TPTE2: variants seen among roughly 807,000 people sequenced by gnomAD.
The protein encoded by TPTE2 is transmembrane phosphoinositide 3-phosphatase and tensin homolog 2.
A neutral mutation model predicts 78.6 loss-of-function variants in TPTE2; 53 were observed. That is an observed-to-expected ratio of 0.67 (90% confidence interval 0.54 to 0.85). The LOEUF is 0.85. Ranked by LOEUF, TPTE2 falls within the 40% of genes least tolerant of loss-of-function variation. The pLI is 0.00. For missense variants in TPTE2, 461 were observed against 623.0 expected, an observed-to-expected ratio of 0.74 and a Z score of 2.77; for synonymous variants, 175 against 206.2, an observed-to-expected ratio of 0.85 and a Z score of 1.30.
chr13:19,443,947 T>C (rs1305556904), intron 13 of TPTE2, among the ~76,000 whole-genome samples: 2 of 152,144 alleles, frequency 1.3e-5, no homozygotes, highest in African/African-American at 4.8e-5. Flanking sequence ...TATTTTCATA[T>C]GATGTAATCA....
intron 1 of TPTE2, among the ~76,000 whole-genome samples, chr13:19,499,316 A>T (rs1279740757): frequency 1.1e-4 from 16 of 152,074 alleles, no homozygotes; most frequent in African/African-American, 3.9e-4. Context: ...ACATCTACAG[A>T]ACTCTCCACC....
intron 4 of TPTE2, among the ~76,000 whole-genome samples, chr13:19,477,212 T>G (rs1880013453): frequency 6.6e-6 from 1 of 151,236 alleles, no homozygotes; most frequent in Non-Finnish European, 1.5e-5. Context: ...TCTACTTAAG[T>G]GGGGAGGGTA....
intron 4 of TPTE2, among the ~76,000 whole-genome samples, chr13:19,478,614 G>A (rs1880122260): frequency 6.6e-6 from 1 of 152,162 alleles, no homozygotes; most frequent in Non-Finnish European, 1.5e-5. Context: ...ATTCCTCAAG[G>A]ATCTAAAACT....
intron 13 of TPTE2, among the ~76,000 whole-genome samples, chr13:19,440,431 A>T (rs1188054791): frequency 7.5e-6 from 1 of 133,850 alleles, no homozygotes; most frequent in East Asian, 2.1e-4. Flanking sequence ...TTCTTGATAA[A>T]AAAAAAACAC....
chr13:19,560,965 G>A, the TPTE2 span: 1 of 1,593,062 alleles, frequency 6.3e-7, no homozygotes, highest in Non-Finnish European at 8.6e-7. Flanking sequence ...AGGCTTTGCA[G>A]TCCTCACAGG....
At chr13:19,445,749 C>T (rs1566043186) in intron 13 of TPTE2, among the ~76,000 whole-genome samples, 1 of 152,174 alleles carries the variant, frequency 6.6e-6, no homozygotes, top group African/African-American at 2.4e-5. Flanking sequence ...TGAGACCAGC[C>T]TGGACAACAT....
chr13:19,479,503 A>G (rs1880194220), intron 4 of TPTE2, among the ~76,000 whole-genome samples: 2 of 152,162 alleles, frequency 1.3e-5, no homozygotes, highest in South Asian at 2.1e-4. Flanking sequence ...AGAAAATATC[A>G]AAGTATTTTT....
chr13:19,433,438 G>T (rs761862676), intron 15 of TPTE2, among the ~76,000 whole-genome samples: 2 of 152,178 alleles, frequency 1.3e-5, no homozygotes, highest in South Asian at 2.1e-4. Flanking sequence ...AAGAGGTCGA[G>T]GTTGCAGTGA....
chr13:19,460,111 C>T (rs943479327), intron 10 of TPTE2, among the ~76,000 whole-genome samples: 6 of 152,246 alleles, frequency 3.9e-5, no homozygotes, highest in Admixed American at 1.3e-4. Context: ...GTGTGTAAAA[C>T]TCCTGGGTTT....
chr13:19,478,459 A>G (rs1407861334), intron 4 of TPTE2, among the ~76,000 whole-genome samples: 1 of 152,222 alleles, frequency 6.6e-6, no homozygotes, highest in Non-Finnish European at 1.5e-5. Flanking sequence ...AACCACAATG[A>G]CATACCATCT....
intron 6 of TPTE2, among the ~76,000 whole-genome samples, chr13:19,468,598 C>T (rs1879432084): frequency 6.6e-6 from 1 of 152,094 alleles, no homozygotes; most frequent in Non-Finnish European, 1.5e-5. Context: ...GCAAACTGTT[C>T]TCCAATTGAT....
chr13:19,515,797 G>C (rs1349123894), intron 1 of TPTE2, among the ~76,000 whole-genome samples: 1 of 152,162 alleles, frequency 6.6e-6, no homozygotes, highest in Non-Finnish European at 1.5e-5. Flanking sequence ...CTTATTAAAT[G>C]ATTACTAGAT....
intron 3 of TPTE2, among the ~76,000 whole-genome samples, chr13:19,485,984 G>C (rs1880641456): frequency 6.6e-6 from 1 of 151,898 alleles, no homozygotes; most frequent in Non-Finnish European, 1.5e-5. Flanking sequence ...GTTTCCTTAA[G>C]ATTATTCTTT....
At chr13:19,492,598 A>G (rs530211358) in intron 3 of TPTE2, among the ~76,000 whole-genome samples, 3 of 152,302 alleles carry the variant, frequency 2.0e-5, no homozygotes, top group Non-Finnish European at 2.9e-5. Context: ...CAAATGCTAC[A>G]ATGAGAAGAA....
intron 13 of TPTE2, among the ~76,000 whole-genome samples, chr13:19,439,567 G>C (rs1457810570): frequency 6.6e-6 from 1 of 152,190 alleles, no homozygotes; most frequent in Non-Finnish European, 1.5e-5. Context: ...TCTGAATGTA[G>C]TGACACTACC....
the TPTE2 span, among the ~76,000 whole-genome samples, chr13:19,548,395 C>T: frequency 6.7e-6 from 1 of 148,214 alleles, no homozygotes; most frequent in Non-Finnish European, 1.5e-5. Flanking sequence ...CTAATTTTCT[C>T]CACACTATAC....
chr13:19,560,936 T>C, the TPTE2 span: 8 of 1,597,276 alleles, frequency 5.0e-6, no homozygotes, highest in Admixed American at 5.1e-5. Flanking sequence ...CATACTCCCC[T>C]GGATGGTCCT....
chr13:19,477,302 A>AAAAAAACCTCCCTGAC (rs1318695688), intron 4 of TPTE2, among the ~76,000 whole-genome samples: 1 of 152,048 alleles, frequency 6.6e-6, no homozygotes, highest in Admixed American at 6.5e-5. Flanking sequence ...ATGTTAAAAA[A>AAAAAAACCTCCCTGAC]AAAAAACCTC....
At chr13:19,493,866 G>C (rs1361634760) in intron 1 of TPTE2, among the ~76,000 whole-genome samples, 1 of 152,120 alleles carries the variant, frequency 6.6e-6, no homozygotes, top group Non-Finnish European at 1.5e-5. Flanking sequence ...CCCTCCATTA[G>C]CTCCTTACAT....
Sources: allele counts gnomAD v4.1 joint callset (sites outside exome capture counted in the v4.1 genomes callset), GRCh38; gene constraint gnomAD v4.1.1; transcripts MANE v1.5; gene names NCBI Gene and HGNC (gene_info 2026-07-23, HGNC 2026-07-21).